The following ELF1 variants were observed in gnomAD, a reference collection of about 807,000 sequenced individuals.
The protein encoded by ELF1 is E74 like ETS transcription factor 1.
A neutral mutation model predicts 59.9 loss-of-function variants in ELF1; 24 were observed. That is an observed-to-expected ratio of 0.40 (90% CI 0.29 to 0.56). ELF1 has a LOEUF of 0.56. ELF1 is among the 20% of genes least tolerant of loss of function. The pLI is 0.44. For synonymous variants in ELF1, 248 were observed against 266.2 expected (o/e 0.93, Z 0.67); for missense variants, 627 against 742.2 (o/e 0.84, Z 1.80).
At chr13:40,965,665 C>T (rs527245162) in intron 2 of ELF1, among the ~76,000 whole-genome samples, 65 of 152,098 alleles carry the variant, frequency 4.3e-4, no homozygotes, top group Non-Finnish European at 7.4e-4. Context: ...TTCTTTGATG[C>T]CTTAACAAAA....
At chr13:40,943,175 C>A in intron 6 of ELF1, 31 bp from the exon 7 acceptor site, 2 of 1,443,912 alleles carry the variant, frequency 1.4e-6, no homozygotes, top group Non-Finnish European at 9.2e-7. Flanking sequence ...TTCTAAATGA[C>A]CAAAATTTCA....
intron 3 of ELF1, among the ~76,000 whole-genome samples, chr13:40,955,029 T>G (rs1871145697): frequency 6.7e-6 from 1 of 148,668 alleles, no homozygotes; most frequent in Non-Finnish European, 1.5e-5. Context: ...CTGCCCATCG[T>G]CTGAGATGTG....
At chr13:40,987,914 C>T (rs1873644026) in intron 1 of ELF1, among the ~76,000 whole-genome samples, 1 of 151,736 alleles carries the variant, frequency 6.6e-6, no homozygotes, top group Admixed American at 6.6e-5. Context: ...GTAAGAAATG[C>T]AATATTCGGA....
At chr13:40,996,356 A>G (rs1448139462) in intron 1 of ELF1, among the ~76,000 whole-genome samples, 1 of 152,258 alleles carries the variant, frequency 6.6e-6, no homozygotes, top group Non-Finnish European at 1.5e-5. Flanking sequence ...AAACCTGCAC[A>G]TGGATGTTTA....
chr13:40,998,015 T>C (rs907754417), intron 1 of ELF1, among the ~76,000 whole-genome samples: 5 of 152,212 alleles, frequency 3.3e-5, no homozygotes, highest in South Asian at 4.1e-4. Flanking sequence ...CTGGGTGTGG[T>C]GGAGCCTGCA....
chr13:41,040,293 A>C (rs1876553910), intron 1 of ELF1, among the ~76,000 whole-genome samples: 1 of 152,238 alleles, frequency 6.6e-6, no homozygotes, highest in South Asian at 2.1e-4. Context: ...CATTATATGG[A>C]ATGTACCATA....
intron 1 of ELF1, among the ~76,000 whole-genome samples, chr13:41,008,308 C>A (rs1874864943): frequency 6.6e-6 from 1 of 152,026 alleles, no homozygotes; most frequent in Non-Finnish European, 1.5e-5. Flanking sequence ...GGATATCTGG[C>A]AGAAATTTTT....
chr13:41,015,653 A>T (rs1875315766), intron 1 of ELF1, among the ~76,000 whole-genome samples: 1 of 152,144 alleles, frequency 6.6e-6, no homozygotes, highest in Non-Finnish European at 1.5e-5. Context: ...CTGAGTTAAA[A>T]CTGGGTGATT....
chr13:40,962,501 G>A (rs1042782861), intron 2 of ELF1, among the ~76,000 whole-genome samples: 1 of 151,702 alleles, frequency 6.6e-6, no homozygotes, highest in African/African-American at 2.4e-5. Flanking sequence ...TGGCCAACAC[G>A]GTGAAACCTT....
chr13:41,035,403 A>G (rs1194496624), intron 1 of ELF1, among the ~76,000 whole-genome samples: 1 of 152,178 alleles, frequency 6.6e-6, no homozygotes, highest in African/African-American at 2.4e-5. Flanking sequence ...GCTCAATGAT[A>G]AACCTTTTTT....
intron 3 of ELF1, among the ~76,000 whole-genome samples, chr13:40,956,837 G>A (rs539287129): frequency 1.2e-4 from 18 of 151,198 alleles, no homozygotes; most frequent in African/African-American, 3.6e-4. Context: ...AACTACACGT[G>A]TATGCCACCA....
chr13:40,982,361 T>G (rs1243901904), intron 1 of ELF1, 79 bp from the exon 2 acceptor site: 1 of 971,648 alleles, frequency 1.0e-6, no homozygotes, highest in African/African-American at 1.7e-5. Flanking sequence ...GAGGGCAGTA[T>G]CGCTAAAGCA....
In ELF1 at chr13:40,958,961, T is replaced by C. The variant is rs762031797; in HGVS notation, c.128A>G (p.Asp43Gly). The change falls in exon 3 of 9, where the codon GAT (aspartate) becomes GGT (glycine). Residue 43 changes from aspartate (D) to glycine (G), a missense_variant. By Grantham distance (94) the Asp-to-Gly change is moderately conservative. This residue lies in a region of ELF1 where 232 missense variants were observed against 269.2 expected (regional missense o/e 0.86). Coordinates refer to ENST00000239882, the MANE Select transcript of ELF1 (RefSeq NM_172373.4). ...AVIVEHVPGA[D>G]ILNSYAGLAC... ...TAGACCGGCATAACTATTGAGAATATCAGCACCAGGAACATGTTCCACAAT... is the reference window on the plus strand; with the variant it reads ...TAGACCGGCATAACTATTGAGAATACCAGCACCAGGAACATGTTCCACAAT... 6.2e-7 allele frequency: 1 copy of C among 1,613,848 alleles called. No homozygotes were observed. Among genetic ancestry groups the C allele is most frequent in the Admixed American group, 1.7e-5 (1 of 59,948 alleles).
intron 1 of ELF1, among the ~76,000 whole-genome samples, chr13:41,007,892 T>C (rs1358933250): frequency 6.6e-6 from 1 of 152,154 alleles, no homozygotes; most frequent in Non-Finnish European, 1.5e-5. Flanking sequence ...GGCAAGGTAT[T>C]ATTTGGCTTT....
At position 41,033,251 on chromosome 13, in the gene ELF1, T is replaced by C. The variant is rs9315802; in HGVS notation, c.-229+27587A>G. ...CCCAGGCTGAGTCCTAACTCTACTA[T>C]TGACTAGTTTTTAACTTAAAGCTAC... On this transcript the variant is annotated intron_variant, in intron 1 of 1. Transcript: ENST00000405737. Among the ~76,000 whole-genome samples the C allele has an allele frequency of 9.5e-3, 1,442 of 152,300 alleles. 18 individuals are homozygous for C. Among genetic ancestry groups the C allele is most frequent in the East Asian group, 0.048 (251 of 5,188 alleles).
At chr13:40,985,624 T>C (rs1023573915) in intron 1 of ELF1, among the ~76,000 whole-genome samples, 1 of 152,206 alleles carries the variant, frequency 6.6e-6, no homozygotes, top group Non-Finnish European at 1.5e-5. Context: ...GTCACTAAAC[T>C]ATAAGACAAG....
At chr13:40,936,640 A>G (rs1176402017) in intron 8 of ELF1, among the ~76,000 whole-genome samples, 1 of 151,746 alleles carries the variant, frequency 6.6e-6, no homozygotes, top group Non-Finnish European at 1.5e-5. Context: ...GGGCGCCTGT[A>G]GTCCCAGCTG....
chr13:40,994,358 A>G (rs1339217831), intron 1 of ELF1, among the ~76,000 whole-genome samples: 1 of 152,194 alleles, frequency 6.6e-6, no homozygotes, highest in Non-Finnish European at 1.5e-5. Context: ...AAAGAGAAAT[A>G]TCAGCCAGGT....
chr13:40,997,195 G>GA (rs908207986), intron 1 of ELF1, among the ~76,000 whole-genome samples: 10 of 151,574 alleles, frequency 6.6e-5, no homozygotes, highest in Middle Eastern at 3.4e-3. Flanking sequence ...CTGTGTGAGT[G>GA]AAAAAAAACC....
Sources: allele counts gnomAD v4.1 joint callset (sites outside exome capture counted in the v4.1 genomes callset), GRCh38; gene constraint gnomAD v4.1.1; regional missense constraint gnomAD v4.1.1; transcripts MANE v1.5; gene names NCBI Gene and HGNC (gene_info 2026-07-23, HGNC 2026-07-21).